Variants in SNURF observed in about 807,000 individuals in gnomAD.
The protein encoded by SNURF is SNRPN upstream open reading frame, also known as SNURF protein.
A neutral mutation model predicts 11.6 loss-of-function variants in SNURF; 6 were observed. The ratio of observed to expected loss-of-function variants is 0.52; its 90% confidence interval spans 0.28 to 1.02. SNURF has a LOEUF of 1.02. Among genes scored for constraint, SNURF ranks in the 50% least tolerant of loss-of-function variants. The pLI, the probability that SNURF is intolerant of heterozygous loss-of-function variation, is 0.09. For synonymous variants in SNURF, 29 were observed against 31.6 expected, an observed-to-expected ratio of 0.92 and a Z score of 0.27; for missense variants, 84 against 88.4, an observed-to-expected ratio of 0.95 and a Z score of 0.20.
chr15:24,966,889 C>T (rs781120601), intron 2 of SNURF: 3 of 152,158 alleles, frequency 2.0e-5, no homozygotes, highest in Non-Finnish European at 4.4e-5. Flanking sequence ...TCTTCCTTCT[C>T]ATCATCAGAT....
At chr15:24,977,116 T>TAAA in intron 6 of SNURF, 2 of 1,047,198 alleles carry the variant, frequency 1.9e-6, no homozygotes, top group Non-Finnish European at 1.3e-6. Flanking sequence ...AGTGTATGTG[T>TAAA]CATACAATGT....
At chr15:24,978,459 A>G (rs772389635), downstream of SNURF, 1 of 1,611,514 alleles carries the variant, frequency 6.2e-7, no homozygotes, top group Non-Finnish European at 8.5e-7. Context: ...CTGTTGATCC[A>G]TCTCAGTCAC....
intron 2 of SNURF, among the ~76,000 whole-genome samples, chr15:24,964,822 A>G (rs2075378683): frequency 6.6e-6 from 1 of 152,088 alleles, no homozygotes; most frequent in South Asian, 2.1e-4. Flanking sequence ...TCTCATCCTC[A>G]TCTTGTTGTG....
chr15:24,978,088 T>C, downstream of SNURF: 4 of 1,284,662 alleles, frequency 3.1e-6, no homozygotes, highest in Non-Finnish European at 4.4e-6. Context: ...GTTATTTGAC[T>C]CTATCATTGT....
intron 5 of SNURF, chr15:24,976,840 A>G (rs2077118792): frequency 6.3e-7 from 1 of 1,587,538 alleles, no homozygotes; most frequent in Non-Finnish European, 8.6e-7. Context: ...GAACTTGTAA[A>G]TTGTTTGATT....
At chr15:24,972,137 T>G (rs2153644666), downstream of SNURF, among the ~76,000 whole-genome samples, 1 of 151,738 alleles carries the variant, frequency 6.6e-6, no homozygotes, top group South Asian at 2.1e-4. Flanking sequence ...GCGCCTGTAA[T>G]CCTAGCTACT....
chr15:24,957,246 C>T lies in SNURF; in HGVS notation c.14+2184C>T, dbSNP rs1012627915. On this transcript the variant is annotated intron_variant, in intron 1 of 2. Coordinates refer to ENST00000577949, the Ensembl canonical transcript of SNURF. ...GGGAGAGGACATCGTGATGGCTCTT[C>T]CCGACTAAGGTTGAAAGGTGTTTCA... 2.0e-5 allele frequency among the ~76,000 whole-genome samples: 3 copies of T among 152,152 alleles called. No homozygotes were observed. In the East Asian group the frequency reaches 5.8e-4, roughly 29 times the overall value.
chr15:24,977,107 G>C, intron 6 of SNURF: 4 of 1,183,636 alleles, frequency 3.4e-6, no homozygotes, highest in Non-Finnish European at 4.7e-6. Flanking sequence ...AAAAACCTAA[G>C]TGTATGTGTC....
chr15:24,970,721 G>C (rs2076293256), downstream of SNURF, among the ~76,000 whole-genome samples: 1 of 152,108 alleles, frequency 6.6e-6, no homozygotes, highest in Non-Finnish European at 1.5e-5. Flanking sequence ...TTGTTACATT[G>C]TTTTCTAAAC....
At chr15:24,959,294 CA>C (rs2074384193) in intron 1 of SNURF, among the ~76,000 whole-genome samples, 2 of 151,912 alleles carry the variant, frequency 1.3e-5, no homozygotes, top group South Asian at 2.1e-4. Flanking sequence ...GTAGTGTTTT[CA>C]AAATCTTATA....
At chr15:24,955,266 ATTGGGGCGCG>A (rs978658984) in intron 1 of SNURF, among the ~76,000 whole-genome samples, 84 of 151,958 alleles carry the variant, frequency 5.5e-4, no homozygotes, top group African/African-American at 2.0e-3. Context: ...GTCCGCTCGC[ATTGGGGCGCG>A]TCCCCCATCC....
chr15:24,963,893 G>A lies in SNURF; in HGVS notation c.110+1684G>A, dbSNP rs540932722. On this transcript the variant is annotated intron_variant, in intron 2 of 2. Transcript: ENST00000577949. ...CTACAGAAAAATAAATTAGCCAGGC[G>A]TGGTGTTGTCTACCTGTAGTCTCAG... is the stretch of plus-strand genomic sequence containing the variant. Among the ~76,000 whole-genome samples, 13 of 152,078 alleles carry A rather than the reference G, an allele frequency of 8.5e-5. No individual in the cohort carries two copies. The East Asian group carries it at 1.7e-3, about 20-fold the overall frequency.
At chr15:24,970,726 C>G (rs192070795), downstream of SNURF, among the ~76,000 whole-genome samples, 2 of 152,052 alleles carry the variant, frequency 1.3e-5, no homozygotes, top group Non-Finnish European at 2.9e-5. Context: ...ACATTGTTTT[C>G]TAAACACATC....
exon 1 of SNURF, chr15:24,955,052 G>C: frequency 6.2e-7 from 1 of 1,613,404 alleles, no homozygotes; most frequent in Non-Finnish European, 8.5e-7. Context: ...TGACGCGATG[G>C]AGCGGGCAAG....
downstream of SNURF, among the ~76,000 whole-genome samples, chr15:24,973,752 T>C (rs1457835190): frequency 6.6e-6 from 1 of 152,308 alleles, no homozygotes. Context: ...GAAAGTTGTT[T>C]ATGTGAGTCT....
intron 1 of SNURF, 126 bp downstream of exon 1, chr15:24,955,188 G>T: frequency 1.5e-6 from 2 of 1,299,014 alleles, no homozygotes; most frequent in Non-Finnish European, 2.2e-6. Context: ...AAAGTCCTTT[G>T]TTCTGGAGAA....
chr15:24,963,312 A>G (rs944625873), intron 2 of SNURF, among the ~76,000 whole-genome samples: 5 of 152,230 alleles, frequency 3.3e-5, no homozygotes, highest in African/African-American at 7.2e-5. Context: ...TGAAAAGAAC[A>G]GTCACTTTGA....
At chr15:24,976,408 C>A (rs902699120) in exon 5 of SNURF, 4 of 1,605,428 alleles carry the variant, frequency 2.5e-6, no homozygotes, top group Admixed American at 3.4e-5. Context: ...GGGGCCACCC[C>A]CCAAAGATGT....
chr15:24,976,852 T>A, intron 5 of SNURF: 1 of 1,601,612 alleles, frequency 6.2e-7, no homozygotes, highest in African/African-American at 1.3e-5. Flanking sequence ...TGTTTGATTT[T>A]AGGCTATGAA....
Sources: allele counts gnomAD v4.1 joint callset (sites outside exome capture counted in the v4.1 genomes callset), GRCh38; gene constraint gnomAD v4.1.1; transcripts MANE v1.5; gene names NCBI Gene and HGNC (gene_info 2026-07-23, HGNC 2026-07-21).